Variants in ADCY2 observed in about 807,000 individuals in gnomAD.
The protein encoded by ADCY2 is adenylate cyclase 2.
ADCY2 carries 31 observed loss-of-function variants against 125.2 expected under a neutral mutation model. The ratio of observed to expected loss-of-function variants is 0.25; its 90% CI spans 0.19 to 0.33. The LOEUF is 0.33. ADCY2 is among the 10% of genes least tolerant of loss of function. The pLI is 1.00. For synonymous variants in ADCY2, 512 were observed against 548.4 expected, an observed-to-expected ratio of 0.93 and a Z score of 0.93; for missense variants, 904 against 1,418.2, an observed-to-expected ratio of 0.64 and a Z score of 5.82.
At position 7,396,470 on chromosome 5, in the gene ADCY2, C is replaced by T; in HGVS notation, c.174C>T (p.Cys58=). The T allele has an allele frequency of 6.4e-7, 1 of 1,571,528 alleles. No individual in the cohort carries two copies. ...VFLLLIVMGS[C]LALLAVFFAL... ...TGCTGCTCATCGTCATGGGCTCCTG[C>T]CTCGCCCTGCTCGCCGTCTTCTTCG... Residue 58 remains cysteine, a synonymous_variant, in exon 1 of 25, where the codon TGC becomes TGT. Transcript: ENST00000338316. This position sits in a 1 kb window ranked among gnomAD's most constrained non-coding sequence, Gnocchi z 5.7.
chr5:7,425,737 C>T (rs560804098), intron 2 of ADCY2, among the ~76,000 whole-genome samples: 19 of 152,258 alleles, frequency 1.2e-4, no homozygotes, highest in South Asian at 4.2e-4. Flanking sequence ...ATTTGCCTGC[C>T]GGAGGCTTCA....
At chr5:7,567,002 T>C (rs546537624) in intron 3 of ADCY2, among the ~76,000 whole-genome samples, 53 of 152,322 alleles carry the variant, frequency 3.5e-4, no homozygotes, top group South Asian at 1.4e-3. Context: ...ATATTGCCAA[T>C]TCATCACTTA....
intron 3 of ADCY2, among the ~76,000 whole-genome samples, chr5:7,539,434 C>T (rs1201349933): frequency 6.6e-6 from 1 of 152,018 alleles, no homozygotes; most frequent in African/African-American, 2.4e-5. Context: ...AATGTGGATT[C>T]ACTACAGTTT....
intron 1 of ADCY2, among the ~76,000 whole-genome samples, chr5:7,405,211 T>C (rs1739431006): frequency 6.6e-6 from 1 of 152,070 alleles, no homozygotes; most frequent in Non-Finnish European, 1.5e-5. Flanking sequence ...TTACCTTACA[T>C]AGCCATGCCA....
At chr5:7,454,154 T>C (rs777919481) in intron 2 of ADCY2, among the ~76,000 whole-genome samples, 2 of 152,196 alleles carry the variant, frequency 1.3e-5, no homozygotes, top group Non-Finnish European at 1.5e-5. Context: ...AGCTGTCTTC[T>C]GTAGCACCTT....
At chr5:7,611,511 A>G (rs1428738804) in intron 3 of ADCY2, among the ~76,000 whole-genome samples, 2 of 152,208 alleles carry the variant, frequency 1.3e-5, no homozygotes, top group African/African-American at 4.8e-5. Context: ...TCCACTGGAA[A>G]AAATGGAAAT....
intron 3 of ADCY2, among the ~76,000 whole-genome samples, chr5:7,539,658 G>A (rs1228810768): frequency 6.6e-6 from 1 of 152,180 alleles, no homozygotes; most frequent in East Asian, 1.9e-4. Flanking sequence ...TTCCAGAACA[G>A]GGATTGACAG....
intron 12 of ADCY2, among the ~76,000 whole-genome samples, chr5:7,722,816 CG>C (rs111842651): frequency 6.2e-4 from 94 of 151,794 alleles, no homozygotes; most frequent in African/African-American, 2.2e-3. Flanking sequence ...AAAAATTAAC[CG>C]GGCATGCTGG....
chr5:7,441,639 C>T (rs1336942463), intron 2 of ADCY2, among the ~76,000 whole-genome samples: 2 of 152,108 alleles, frequency 1.3e-5, no homozygotes, highest in Non-Finnish European at 2.9e-5. Context: ...CTTATATAAC[C>T]ACCATGATAT....
intron 4 of ADCY2, among the ~76,000 whole-genome samples, chr5:7,645,183 A>G (rs1470784522): frequency 1.3e-5 from 2 of 152,164 alleles, no homozygotes; most frequent in Non-Finnish European, 2.9e-5. Context: ...ACACATTTTT[A>G]TAGTCACTCA....
intron 2 of ADCY2, among the ~76,000 whole-genome samples, chr5:7,475,370 G>A (rs1742483716): frequency 6.6e-6 from 1 of 151,988 alleles, no homozygotes; most frequent in African/African-American, 2.4e-5. Flanking sequence ...CTGGAGGACA[G>A]GGAGAAACTT....
rs146383115 is a variant in ADCY2, at chr5:7,694,565, C to T, written c.870-1187C>T. ...TGCTCTTTGTACCTGGCTTATTTTA[C>T]TTAGCATAAGGTTTTCGGGAGTTTC... On this transcript the variant is annotated intron_variant, in intron 5 of 24. Coordinates refer to ENST00000338316, the MANE Select transcript of ADCY2 (RefSeq NM_020546.3). 9.2e-5 allele frequency among the ~76,000 whole-genome samples: 14 copies of T among 152,284 alleles called. No individual in the cohort carries two copies. The East Asian group carries it at 2.3e-3, about 25-fold the overall frequency.
At chr5:7,483,353 C>T (rs918221501) in intron 2 of ADCY2, among the ~76,000 whole-genome samples, 6 of 151,700 alleles carry the variant, frequency 4.0e-5, no homozygotes, top group African/African-American at 1.5e-4. Flanking sequence ...CAAGAATTTG[C>T]AGGTTAGGTA....
intron 1 of ADCY2, among the ~76,000 whole-genome samples, chr5:7,404,027 C>T (rs1739375222): frequency 6.6e-6 from 1 of 151,618 alleles, no homozygotes; most frequent in Admixed American, 6.6e-5. Flanking sequence ...GACAGTGAAA[C>T]TTCTGCTTCA....
intron 11 of ADCY2, among the ~76,000 whole-genome samples, chr5:7,713,921 A>T (rs1243284322): frequency 6.6e-6 from 1 of 152,214 alleles, no homozygotes; most frequent in Non-Finnish European, 1.5e-5. Flanking sequence ...AATTGTACCC[A>T]AGTAAAAATG....
rs144676905 is a variant in ADCY2, at chr5:7,793,089, G to T, written c.2628+3289G>T. 8.5e-5 allele frequency among the ~76,000 whole-genome samples: 13 copies of T among 152,304 alleles called. No homozygotes were observed. In the East Asian group the frequency reaches 2.5e-3, roughly 30 times the overall value. ...CTTCATGCCACTGCACAACCCTCTG[G>T]TGCTCCTGAGGGTGACGTGACATTT... is the stretch of plus-strand genomic sequence containing the variant. On this transcript the variant is annotated intron_variant, in intron 20 of 24. Transcript: ENST00000338316.
At chr5:7,734,930 A>C (rs1742202920) in intron 14 of ADCY2, among the ~76,000 whole-genome samples, 1 of 152,168 alleles carries the variant, frequency 6.6e-6, no homozygotes, top group South Asian at 2.1e-4. Flanking sequence ...TTGTATCCTC[A>C]CATGGCAGAA....
chr5:7,403,581 A>G (rs891220979), intron 1 of ADCY2, among the ~76,000 whole-genome samples: 1 of 152,198 alleles, frequency 6.6e-6, no homozygotes, highest in Admixed American at 6.5e-5. Context: ...TTTGAACTAG[A>G]ATATCTCTAG....
chr5:7,612,751 T>A (rs1472588813), intron 3 of ADCY2, among the ~76,000 whole-genome samples: 7 of 152,184 alleles, frequency 4.6e-5, no homozygotes, highest in African/African-American at 1.4e-4. Flanking sequence ...GCTTGGTGGC[T>A]CACGCCTGTA....
Sources: gnomAD v4.1 joint callset for allele counts (sites outside exome capture counted in the v4.1 genomes callset) on GRCh38, gnomAD v4.1.1 for gene constraint, Gnocchi (gnomAD v3.1) non-coding constraint, MANE v1.5 for transcripts, NCBI Gene and HGNC (gene_info 2026-07-23, HGNC 2026-07-21) for gene names.